Variants in TMEM132C observed in about 807,000 individuals in gnomAD.
TMEM132C encodes protein phosphatase 1, regulatory subunit 152.
In TMEM132C, 29 loss-of-function variants were observed where a neutral mutation model predicts 61.4. The observed-to-expected ratio is 0.47, with a 90% CI of 0.35 to 0.64. The LOEUF (loss-of-function observed/expected upper bound fraction) is 0.64. Among genes scored for constraint, TMEM132C ranks in the 30% least tolerant of loss-of-function variants. The probability of loss-of-function intolerance (pLI) is 0.00; values close to 1 mark genes in which losing one functional copy is unlikely to be tolerated. For synonymous variants in TMEM132C, 656 were observed against 633.1 expected (o/e 1.04, Z -0.54); for missense variants, 1,408 against 1,476.9 (o/e 0.95, Z 0.76).
At chr12:128,475,242 A>G (rs188454822) in intron 2 of TMEM132C, among the ~76,000 whole-genome samples, 4,203 of 152,194 alleles carry the variant, frequency 0.028, 187 homozygotes, top group African/African-American at 0.093. Context: ...AGGACCTGCG[A>G]TTTCTTTTTT....
chr12:128,623,261 G>A (rs577769619), intron 4 of TMEM132C, among the ~76,000 whole-genome samples: 22 of 152,214 alleles, frequency 1.4e-4, no homozygotes, highest in African/African-American at 5.3e-4. Context: ...AAAGGAAAGT[G>A]GGGGACTGAG....
chr12:128,699,799 A>G (rs1257293358), intron 8 of TMEM132C, among the ~76,000 whole-genome samples: 3 of 152,178 alleles, frequency 2.0e-5, no homozygotes, highest in African/African-American at 7.2e-5. Flanking sequence ...CATTCCAGGA[A>G]TTCTGCCTAA....
chr12:128,333,046 T>C (rs2135946243), intron 1 of TMEM132C, among the ~76,000 whole-genome samples: 1 of 152,290 alleles, frequency 6.6e-6, no homozygotes, highest in Non-Finnish European at 1.5e-5. Flanking sequence ...ATGTGTTGTG[T>C]GTGTGAGTAT....
At chr12:128,340,041 C>CT (rs1872907021) in intron 1 of TMEM132C, among the ~76,000 whole-genome samples, 1 of 152,158 alleles carries the variant, frequency 6.6e-6, no homozygotes, top group Non-Finnish European at 1.5e-5. Context: ...TTACAGGGGG[C>CT]TTCTATGTCC....
At chr12:128,373,571 C>A (rs527957361) in intron 1 of TMEM132C, among the ~76,000 whole-genome samples, 21 of 152,320 alleles carry the variant, frequency 1.4e-4, no homozygotes, top group Admixed American at 1.2e-3. Flanking sequence ...TGGTGGCTCA[C>A]CTCTCCCATG....
At chr12:128,422,001 A>G (rs1869003333) in intron 2 of TMEM132C, among the ~76,000 whole-genome samples, 1 of 152,240 alleles carries the variant, frequency 6.6e-6, no homozygotes, top group Non-Finnish European at 1.5e-5. Context: ...TATTTCATAA[A>G]CATTCCTTTT....
chr12:128,668,374 C>G (rs568461487), intron 4 of TMEM132C, among the ~76,000 whole-genome samples: 7 of 152,230 alleles, frequency 4.6e-5, no homozygotes, highest in Non-Finnish European at 8.8e-5. Flanking sequence ...CAATCATATC[C>G]CATGCTATAG....
At chr12:128,558,580 T>C (rs975952240) in intron 3 of TMEM132C, among the ~76,000 whole-genome samples, 2 of 152,236 alleles carry the variant, frequency 1.3e-5, no homozygotes, top group Non-Finnish European at 2.9e-5. Flanking sequence ...CTCGGGTATG[T>C]CTTTACTAGC....
chr12:128,395,155 ATAT>A (rs1349065154), intron 1 of TMEM132C, among the ~76,000 whole-genome samples: 4 of 150,696 alleles, frequency 2.7e-5, no homozygotes, highest in Non-Finnish European at 5.9e-5. Context: ...AAATTTATTA[ATAT>A]TTTATGGTAA....
rs150419805 is a variant in TMEM132C, at chr12:128,348,811, C to T, written c.86-65921C>T. 5.8e-3 allele frequency among the ~76,000 whole-genome samples: 888 copies of T among 152,300 alleles called. 4 individuals carry two copies. Among genetic ancestry groups the T allele is most frequent in the Non-Finnish European group, 9.2e-3 (627 of 68,020 alleles). ...TTAGGGCTTCTTTGCAGCTCAAACA[C>T]GCAGTTTCTTTGCATCCCTGAGAAT... On this transcript the variant is annotated intron_variant, in intron 1 of 8. Coordinates refer to ENST00000435159, the MANE Select transcript of TMEM132C (RefSeq NM_001136103.3).
At chr12:128,452,392 G>A (rs114362958) in intron 2 of TMEM132C, among the ~76,000 whole-genome samples, 1,961 of 151,076 alleles carry the variant, frequency 0.013, 41 homozygotes, top group African/African-American at 0.042. Context: ...GAGCCACCAC[G>A]CCTGGTCGCA....
At chr12:128,614,370 A>G (rs1298215265) in intron 3 of TMEM132C, among the ~76,000 whole-genome samples, 1 of 152,240 alleles carries the variant, frequency 6.6e-6, no homozygotes, top group African/African-American at 2.4e-5. Flanking sequence ...GTGCTCCAGT[A>G]AAGTGTTACT....
Position 128,271,916 on chromosome 12 carries a change from ATG to A in TMEM132C, c.85+4433_85+4434del, listed in dbSNP as rs149140594. Among the ~76,000 whole-genome samples the A allele has an allele frequency of 9.6e-3, 1,466 of 152,356 alleles. 29 individuals are homozygous for A. The highest frequency in any genetic ancestry group is 0.033 in the African/African-American group (1,365 of 41,584). ...GTCATAAAAAGCAAGGTTAATAAAA[ATG>A]TGTCTTTGGTATATTAATTGAAGTG... On this transcript the variant is annotated intron_variant, in intron 1 of 8. Coordinates refer to ENST00000435159, the MANE Select transcript of TMEM132C (RefSeq NM_001136103.3).
Position 128,267,344 on chromosome 12 carries a change from C to CGCGGGCGGGCGCT in TMEM132C, c.-55_-43dup. On this transcript the variant is annotated 5_prime_UTR_variant, in exon 1 of 9. The change abolishes the stop of an existing upstream ORF in the 5' untranslated region. Coordinates refer to ENST00000435159, the MANE Select transcript of TMEM132C (RefSeq NM_001136103.3). ...CGGGCATGGGGCGGCCGGCGGGGGC[C>CGCGGGCGGGCGCT]GCGGGCGGGCGCTGCGCTTCGGGCT... is the stretch of plus-strand genomic sequence containing the variant. 1 of 973,700 alleles carries CGCGGGCGGGCGCT rather than the reference C, an allele frequency of 1.0e-6. No homozygotes were observed. The highest frequency in any genetic ancestry group is 1.2e-6 in the Non-Finnish European group (1 of 819,722). The allele number at this position is 973,700 out of a possible 1,614,324, so 60.3% of individuals were successfully genotyped here.
At chr12:128,648,852 C>T (rs1954238262) in intron 4 of TMEM132C, among the ~76,000 whole-genome samples, 1 of 150,262 alleles carries the variant, frequency 6.7e-6, no homozygotes, top group Admixed American at 6.6e-5. Flanking sequence ...TGGAGTCCAT[C>T]AGCATTGGAT....
chr12:128,517,230 CAACA>C (rs1364279752), intron 2 of TMEM132C, among the ~76,000 whole-genome samples: 3 of 77,514 alleles, frequency 3.9e-5, no homozygotes, highest in Non-Finnish European at 7.8e-5. Context: ...GACTCCGTCT[CAACA>C]AATAAATAAA....
chr12:128,368,171 C>T (rs1331634640), intron 1 of TMEM132C, among the ~76,000 whole-genome samples: 1 of 152,234 alleles, frequency 6.6e-6, no homozygotes, highest in Non-Finnish European at 1.5e-5. Context: ...GGGCATAGTT[C>T]ATCCCCACTA....
Position 128,377,237 on chromosome 12 carries a change from T to C in TMEM132C, c.86-37495T>C, listed in dbSNP as rs561637665. Among the ~76,000 whole-genome samples, 482 of 152,262 alleles carry C rather than the reference T, an allele frequency of 3.2e-3. 4 individuals are homozygous for C. Among genetic ancestry groups the C allele is most frequent in the African/African-American group, 0.011 (464 of 41,572 alleles). On this transcript the variant is annotated intron_variant, in intron 1 of 8. Transcript: ENST00000435159. Reference sequence around the variant, plus strand: ...GCCCAGTTAATTTTTGTATTTTTAGTAGTGACAGGGTTTCATTATGTTGGT... The same window carrying C: ...GCCCAGTTAATTTTTGTATTTTTAGCAGTGACAGGGTTTCATTATGTTGGT...
intron 3 of TMEM132C, among the ~76,000 whole-genome samples, chr12:128,589,899 C>CA (rs1010350208): frequency 6.6e-6 from 1 of 152,130 alleles, no homozygotes; most frequent in Non-Finnish European, 1.5e-5. Flanking sequence ...GGTCACTGCA[C>CA]GTGCAGTGCT....
Sources: allele counts gnomAD v4.1 joint callset (sites outside exome capture counted in the v4.1 genomes callset), GRCh38; gene constraint gnomAD v4.1.1; transcripts MANE v1.5; gene names NCBI Gene and HGNC (gene_info 2026-07-23, HGNC 2026-07-21).